The following TMEM143 variants were observed in gnomAD, a reference collection of about 807,000 sequenced individuals.
TMEM143 encodes the protein transmembrane protein 143.
In TMEM143, 45 loss-of-function variants were observed where a neutral mutation model predicts 40.3. The observed-to-expected ratio is 1.12, with a 90% CI of 0.88 to 1.43. TMEM143 has a LOEUF of 1.43. Ranked by LOEUF, TMEM143 falls within the 40% of genes most tolerant of loss-of-function variation. The pLI, the probability that TMEM143 is intolerant of heterozygous loss-of-function variation, is 0.00. For missense variants in TMEM143, 620 were observed against 613.4 expected (o/e 1.01, Z -0.11); for synonymous variants, 299 against 282.7 (o/e 1.06, Z -0.58).
chr19:48,350,915 A>G (rs1673152), intron 3 of TMEM143, among the ~76,000 whole-genome samples: 97,895 of 126,816 alleles, frequency 0.77, 37,748 homozygotes, highest in Admixed American at 0.84. Flanking sequence ...GTGAGACTAC[A>G]TCTCAAAAAA....
At chr19:48,360,784 A>AATT (rs939710893) in intron 2 of TMEM143, among the ~76,000 whole-genome samples, 4 of 151,662 alleles carry the variant, frequency 2.6e-5, no homozygotes, top group African/African-American at 4.8e-5. Flanking sequence ...AAGTAGATGG[A>AATT]ATTATTATTA....
chr19:48,357,909 A>G (rs1398954416), intron 3 of TMEM143, among the ~76,000 whole-genome samples: 1 of 149,426 alleles, frequency 6.7e-6, no homozygotes, highest in Middle Eastern at 3.2e-3. Context: ...AGAGTGATAT[A>G]ATGGAATTTG....
At chr19:48,351,649 T>C (rs1404747048) in intron 3 of TMEM143, among the ~76,000 whole-genome samples, 1 of 152,088 alleles carries the variant, frequency 6.6e-6, no homozygotes, top group Non-Finnish European at 1.5e-5. Context: ...GCAGGCCTCC[T>C]GGCTGTTCCT....
intron 3 of TMEM143, among the ~76,000 whole-genome samples, chr19:48,356,840 C>A (rs1183805410): frequency 6.8e-6 from 1 of 147,970 alleles, no homozygotes; most frequent in African/African-American, 2.5e-5. Flanking sequence ...GTGATCCGCC[C>A]GCCTCGGCCT....
chr19:48,351,082 C>CT (rs1469479380), intron 3 of TMEM143, among the ~76,000 whole-genome samples: 5 of 152,076 alleles, frequency 3.3e-5, no homozygotes, highest in African/African-American at 1.2e-4. Flanking sequence ...CTCGCTTGAG[C>CT]TCCAGATTCA....
chr19:48,360,439 G>A (rs1036925058), intron 2 of TMEM143: 12 of 370,286 alleles, frequency 3.2e-5, no homozygotes, highest in African/African-American at 1.5e-4. Flanking sequence ...TTAGCCGGGC[G>A]TGATGGCATG....
chr19:48,347,143 G>C (rs1472919748), intron 3 of TMEM143, among the ~76,000 whole-genome samples: 2 of 152,166 alleles, frequency 1.3e-5, no homozygotes, highest in Non-Finnish European at 2.9e-5. Flanking sequence ...TGCTCACGGA[G>C]AGACTGAGTC....
intron 3 of TMEM143, among the ~76,000 whole-genome samples, chr19:48,354,277 T>G (rs1004254596): frequency 2.0e-5 from 3 of 148,066 alleles, no homozygotes; most frequent in Non-Finnish European, 3.0e-5. Context: ...TTTTTTTTTT[T>G]TTTTTGAGAC....
rs574463621 is a variant in TMEM143 at position 48,363,351 on chromosome 19, C to T, written c.204G>A (p.Gln68=). 122 of 1,614,232 alleles carry T rather than the reference C, an allele frequency of 7.6e-5. 2 individuals carry two copies. In the South Asian group the frequency reaches 1.1e-3, roughly 15 times the overall value. ...AGGGAATGAAGCGCTCGCGGTACTG[C>T]TGGGCCCAGTCGCGGGGCTCCCTGG... The part of the protein sequence containing the change: ...WNPREPRDWA[Q]QYRERFIPFS... Residue 68 remains glutamine, a synonymous_variant, in exon 2 of 8, where the codon CAG becomes CAA. Transcript: ENST00000293261.
At chr19:48,363,248 G>A (rs1338664215) in intron 2 of TMEM143, 43 bp downstream of exon 2, 9 of 1,568,400 alleles carry the variant, frequency 5.7e-6, no homozygotes, top group Non-Finnish European at 6.9e-6. Flanking sequence ...AAGCCTGCTG[G>A]GAGCCGTAGT....
chr19:48,343,015 T>C, intron 5 of TMEM143: 1 of 701,576 alleles, frequency 1.4e-6, no homozygotes, highest in Non-Finnish European at 2.3e-6. Context: ...GTATTGGACG[T>C]GCAGATTGTT....
At chr19:48,339,764 T>C (rs1969447844) in intron 6 of TMEM143, among the ~76,000 whole-genome samples, 1 of 152,158 alleles carries the variant, frequency 6.6e-6, no homozygotes, top group African/African-American at 2.4e-5. Context: ...AGTCTCGCTC[T>C]GTCACCGAGG....
At chr19:48,360,215 T>TC in intron 2 of TMEM143, 39 bp from the exon 3 acceptor site, 1 of 1,587,086 alleles carries the variant, frequency 6.3e-7, no homozygotes, top group Non-Finnish European at 8.6e-7. Flanking sequence ...GTAGGCCTTT[T>TC]CCCCTTCCCC....
At chr19:48,357,544 G>A (rs1361952536) in intron 3 of TMEM143, among the ~76,000 whole-genome samples, 3 of 150,812 alleles carry the variant, frequency 2.0e-5, no homozygotes, top group Non-Finnish European at 4.4e-5. Flanking sequence ...TTTTAGTAGA[G>A]ACAGGGTTTC....
rs116916363 is a variant in TMEM143, at chr19:48,359,797, G to A, written c.369+275C>T. 2,126 of 315,830 alleles carry A rather than the reference G, an allele frequency of 6.7e-3. 126 individuals carry two copies. The East Asian group carries it at 0.14, about 21-fold the overall frequency. The allele number at this position is 315,830 out of a possible 1,614,324, so 19.6% of individuals were successfully genotyped here. On this transcript the variant is annotated intron_variant, in intron 3 of 7. Coordinates refer to ENST00000293261, the MANE Select transcript of TMEM143 (RefSeq NM_018273.4). The stretch of plus-strand genomic sequence containing the variant: ...GCTGGGATTACAGGCGTGAGCCACC[G>A]CGCCCGACCCATCTCATCCCTCTTT...
Position 48,363,501 on chromosome 19 carries a change from A to G in TMEM143, c.54T>C (p.His18=). The change falls in exon 2 of 8, where the codon CAT becomes CAC. Residue 18 remains histidine (H), a synonymous_variant. Coordinates refer to ENST00000293261, the MANE Select transcript of TMEM143 (RefSeq NM_018273.4). ...RLRGKGLAML[H]VTRGVWGSRV... ...TGGACCCCCAGACCCCCCGGGTCAC[A>G]TGCAGCATGGCTAGACCCTTTCCCC... The G allele has an allele frequency of 1.2e-6, 2 of 1,613,688 alleles. No individual in the cohort carries two copies. Among genetic ancestry groups the G allele is most frequent in the Non-Finnish European group, 1.7e-6 (2 of 1,179,902 alleles).
intron 4 of TMEM143, among the ~76,000 whole-genome samples, 166 bp from the exon 5 acceptor site, chr19:48,343,617 T>G (rs1313314608): frequency 6.6e-6 from 1 of 152,190 alleles, no homozygotes; most frequent in African/African-American, 2.4e-5. Flanking sequence ...TGTCGTATAC[T>G]GCACAAGGGC....
At chr19:48,358,971 C>T (rs1969972121) in intron 3 of TMEM143, among the ~76,000 whole-genome samples, 1 of 152,158 alleles carries the variant, frequency 6.6e-6, no homozygotes, top group South Asian at 2.1e-4. Flanking sequence ...GAATTCAAGA[C>T]CACCCTGGCC....
rs139790793 is a variant in TMEM143 at position 48,334,759 on chromosome 19, T to C, written c.976-562A>G. Among the ~76,000 whole-genome samples the C allele has an allele frequency of 1.8e-4, 28 of 152,068 alleles. No homozygotes were observed. The East Asian group carries it at 5.4e-3, about 29-fold the overall frequency. ...AGGTGTGCGCCACCAAGCCCGATAT[T>C]TTTTGTAGAGACGGGATTCTCCCTG... On this transcript the variant is annotated intron_variant, in intron 6 of 7. Transcript: ENST00000293261.
Sources: gnomAD v4.1 joint callset for allele counts (sites outside exome capture counted in the v4.1 genomes callset) on GRCh38, gnomAD v4.1.1 for gene constraint, MANE v1.5 for transcripts, NCBI Gene and HGNC (gene_info 2026-07-23, HGNC 2026-07-21) for gene names.